SLC1A7: variants seen among roughly 807,000 people sequenced by gnomAD.
SLC1A7 encodes excitatory amino acid transporter 5.
A neutral mutation model predicts 47.7 loss-of-function variants in SLC1A7; 40 were observed. That is an observed-to-expected ratio of 0.84 (90% CI 0.65 to 1.09). SLC1A7 has a LOEUF of 1.09. Ranked by LOEUF, SLC1A7 falls within the 50% of genes least tolerant of loss-of-function variation. The pLI, the probability that SLC1A7 is intolerant of heterozygous loss-of-function variation, is 0.00. For synonymous variants in SLC1A7, 323 were observed against 325.6 expected, an observed-to-expected ratio of 0.99 and a Z score of 0.09; for missense variants, 746 against 769.5, an observed-to-expected ratio of 0.97 and a Z score of 0.36.
chr1:53,103,406 C>G lies in SLC1A7; in HGVS notation c.637G>C (p.Glu213Gln), dbSNP rs12021744. 11 of 1,611,442 alleles carry G rather than the reference C, an allele frequency of 6.8e-6. No homozygotes were observed. The African/African-American group carries it at 8.0e-5, about 12-fold the overall frequency. Residue 213 changes from glutamate to glutamine, a missense_variant, in exon 5 of 11, where the codon GAG becomes CAG. Coordinates refer to ENST00000371494, the MANE Select transcript of SLC1A7 (RefSeq NM_006671.6). ...TTCATGCCATCGCTGGTGCCCGGCT[C>G]TGACTTGTAAACGACCTCGGGCGGC... ...TPPPEVVYKS[E>Q]PGTSDGMNVL...
At chr1:53,092,227 C>T (rs1009492760) in intron 7 of SLC1A7, among the ~76,000 whole-genome samples, 1 of 152,254 alleles carries the variant, frequency 6.6e-6, no homozygotes, top group African/African-American at 2.4e-5. Context: ...GGAGAAGCAC[C>T]TTGTGGGGCA....
chr1:53,099,149 T>C (rs1288419), intron 5 of SLC1A7, among the ~76,000 whole-genome samples: 129,134 of 145,648 alleles, frequency 0.89, 57,620 homozygotes, highest in Non-Finnish European at 0.95. Flanking sequence ...AGACACACGC[T>C]GCCTCGGTAC....
chr1:53,113,554 G>A (rs982990940), intron 3 of SLC1A7, among the ~76,000 whole-genome samples: 3 of 151,914 alleles, frequency 2.0e-5, no homozygotes. Flanking sequence ...TCCTGCTAAG[G>A]ATCCCTCCTG....
Position 53,088,167 on chromosome 1 carries a change from T to C in SLC1A7, c.1525A>G (p.Asn509Asp). ...TCGGCTACACTCTTCACACAGCCAT[T>C]CTGCTGGGCTGCCACGATCTCCTGG... The part of the protein sequence containing the change: ...SLQEIVAAQQ[N>D]GCVKSVAEAS... Residue 509 changes from asparagine (N) to aspartate (D), a missense_variant, in exon 11 of 11, where the codon AAT (asparagine) becomes GAT (aspartate). Physicochemically the swap from Asn to Asp is conservative, Grantham distance 23. Transcript: ENST00000371494. 6.2e-7 allele frequency: 1 copy of C among 1,613,510 alleles called. No individual in the cohort carries two copies. The highest frequency in any genetic ancestry group is 1.1e-5 in the South Asian group (1 of 90,924).
At position 53,137,361 on chromosome 1, in the gene SLC1A7, C is replaced by T. The variant is rs574032364; in HGVS notation, c.136-2932G>A. On this transcript the variant is annotated intron_variant, in intron 1 of 10. Coordinates refer to ENST00000371494, the MANE Select transcript of SLC1A7 (RefSeq NM_006671.6). ...TCTCTCTATCCCTATCTTGCAACTT[C>T]CCAGTAGTGAACATGCTCAGTTCTT... Among the ~76,000 whole-genome samples, 76 of 151,390 alleles carry T rather than the reference C, an allele frequency of 5.0e-4. 3 individuals carry two copies. In the South Asian group the frequency reaches 0.015, roughly 30 times the overall value.
intron 5 of SLC1A7, among the ~76,000 whole-genome samples, chr1:53,094,983 G>T (rs1644469188): frequency 6.6e-6 from 1 of 152,254 alleles, no homozygotes; most frequent in South Asian, 2.1e-4. Flanking sequence ...GTGCTAGTGT[G>T]CTCACTCACA....
intron 2 of SLC1A7, among the ~76,000 whole-genome samples, chr1:53,125,208 C>A (rs1258656267): frequency 6.6e-5 from 10 of 152,200 alleles, no homozygotes; most frequent in Admixed American, 2.6e-4. Flanking sequence ...CGTTCCTATA[C>A]TAATGTAATG....
intron 2 of SLC1A7, among the ~76,000 whole-genome samples, chr1:53,126,658 T>G (rs1644885933): frequency 6.6e-6 from 1 of 152,158 alleles, no homozygotes; most frequent in African/African-American, 2.4e-5. Flanking sequence ...CTTGCTAGCA[T>G]CGGGGGACAG....
In SLC1A7 at chr1:53,090,414, C is replaced by T. The variant is rs189211280; in HGVS notation, c.1226+198G>A. 3,879 of 854,536 alleles carry T rather than the reference C, an allele frequency of 4.5e-3. 272 individuals carry two copies. In the Admixed American group the frequency reaches 0.11, roughly 25 times the overall value. 52.9% of individuals were successfully genotyped at this position (854,536 alleles called of 1,614,324 possible). A position where few individuals can be genotyped will look rare whatever the true frequency, so the allele number is the denominator to read the frequency against. On this transcript the variant is annotated intron_variant, in intron 8 of 10. Coordinates refer to ENST00000371494, the MANE Select transcript of SLC1A7 (RefSeq NM_006671.6). ...GGTCCTGAGTCCTGTCCCTGGCCTC[C>T]GCTCGCCCTGTGGCCACCAGCAATG...
intron 5 of SLC1A7, among the ~76,000 whole-genome samples, chr1:53,094,228 C>T (rs964413187): frequency 2.6e-5 from 4 of 152,234 alleles, no homozygotes; most frequent in Non-Finnish European, 4.4e-5. Context: ...ATGTTAGACG[C>T]ACAGTGGTCA....
rs116817724 is a variant in SLC1A7, at chr1:53,125,175, A to G, written c.215+9175T>C. The stretch of plus-strand genomic sequence containing the variant: ...GCAAAACCATGGGAGGGGGGCCCCA[A>G]TGCAGGTCCCGTCCAGATGATTCGT... On this transcript the variant is annotated intron_variant, in intron 2 of 10. Coordinates refer to ENST00000371494, the MANE Select transcript of SLC1A7 (RefSeq NM_006671.6). Among the ~76,000 whole-genome samples, 515 of 152,302 alleles carry G rather than the reference A, an allele frequency of 3.4e-3. 3 individuals are homozygous for G. Among genetic ancestry groups the G allele is most frequent in the African/African-American group, 0.012 (486 of 41,570 alleles).
intron 4 of SLC1A7, 104 bp downstream of exon 4, chr1:53,105,628 C>T: frequency 8.7e-6 from 8 of 920,872 alleles, no homozygotes; most frequent in Non-Finnish European, 1.4e-5. Flanking sequence ...GACAGCGTGA[C>T]TGGCCAGCAC....
intron 2 of SLC1A7, 188 bp from the exon 3 acceptor site, chr1:53,115,161 C>G: frequency 1.6e-6 from 1 of 611,464 alleles, no homozygotes; most frequent in East Asian, 2.7e-5. Context: ...CCCCACGCCC[C>G]GGGGCGCAGG....
chr1:53,112,511 C>A (rs1033859790), intron 3 of SLC1A7, among the ~76,000 whole-genome samples: 3 of 152,362 alleles, frequency 2.0e-5, no homozygotes, highest in African/African-American at 4.8e-5. Flanking sequence ...ACGAGAGTTT[C>A]TTTAGACAGT....
chr1:53,101,597 C>A (rs1245568958), intron 5 of SLC1A7, among the ~76,000 whole-genome samples: 1 of 150,282 alleles, frequency 6.7e-6, no homozygotes, highest in Non-Finnish European at 1.5e-5. Flanking sequence ...CACAACCCGC[C>A]TCAGTACACT....
At chr1:53,108,719 C>T (rs946415287) in intron 3 of SLC1A7, 24 of 714,022 alleles carry the variant, frequency 3.4e-5, no homozygotes, top group African/African-American at 2.4e-4. Flanking sequence ...AAGCATGGCA[C>T]GGCACACAGG....
chr1:53,139,284 G>C (rs968571888), intron 1 of SLC1A7, among the ~76,000 whole-genome samples: 2 of 152,212 alleles, frequency 1.3e-5, no homozygotes, highest in Non-Finnish European at 2.9e-5. Context: ...CTCAGTGAGA[G>C]AAGTCTCTTC....
chr1:53,103,057 C>T (rs989646474), intron 5 of SLC1A7: 2 of 333,808 alleles, frequency 6.0e-6, no homozygotes, highest in African/African-American at 4.2e-5. Flanking sequence ...GGTGAGGGGC[C>T]TGGCATCCCA....
At chr1:53,088,796 C>A in intron 10 of SLC1A7, 81 bp downstream of exon 10, 1 of 1,035,982 alleles carries the variant, frequency 9.7e-7, no homozygotes, top group South Asian at 1.4e-5. Flanking sequence ...GGCTGCCGAG[C>A]TGGTTGGTGG....
Sources: allele counts gnomAD v4.1 joint callset (sites outside exome capture counted in the v4.1 genomes callset), GRCh38; gene constraint gnomAD v4.1.1; transcripts MANE v1.5; gene names NCBI Gene and HGNC (gene_info 2026-07-23, HGNC 2026-07-21).